UBE3D: variants seen among roughly 807,000 people sequenced by gnomAD.
UBE3D encodes the protein ubiquitin protein ligase E3D, also known as E3 ubiquitin-protein ligase E3D.
In UBE3D, 48 loss-of-function variants were observed where a neutral mutation model predicts 49.6. The observed-to-expected ratio is 0.97, with a 90% CI of 0.77 to 1.23. The LOEUF (loss-of-function observed/expected upper bound fraction) is 1.23, where lower values mean the gene tolerates loss of function less well. UBE3D is among the 50% of genes most tolerant of loss of function. UBE3D has a pLI of 0.00. For synonymous variants in UBE3D, 189 were observed against 174.2 expected (o/e 1.08, Z -0.67); for missense variants, 452 against 468.4 (o/e 0.96, Z 0.32).
In UBE3D at chr6:83,038,481, G is replaced by C; in HGVS notation, c.602C>G (p.Pro201Arg). ...VSSDNHCKLE[P>R]KANTKVICKR... ...ACAAATTACTTTGGTATTTGCCTTT[G>C]GTTCCTGTAGAACAGAAAAATGTCA... The change falls in exon 5 of 10, where the codon CCA becomes CGA. Residue 201 changes from proline to arginine, a missense_variant. Coordinates refer to ENST00000369747, the MANE Select transcript of UBE3D (RefSeq NM_198920.3). 1 of 1,607,150 alleles carries C rather than the reference G, an allele frequency of 6.2e-7. No homozygotes were observed. The highest frequency in any genetic ancestry group is 8.5e-7 in the Non-Finnish European group (1 of 1,178,084).
chr6:82,996,706 C>G (rs543464066), intron 8 of UBE3D, among the ~76,000 whole-genome samples: 1 of 152,276 alleles, frequency 6.6e-6, no homozygotes, highest in East Asian at 1.9e-4. Context: ...TCTCCAAACC[C>G]ACAACCCAGT....
chr6:82,941,030 C>T (rs188023042), intron 9 of UBE3D, among the ~76,000 whole-genome samples: 96 of 152,066 alleles, frequency 6.3e-4, no homozygotes, highest in African/African-American at 2.2e-3. Context: ...CTGGCCAATA[C>T]GGTGAAACCC....
At chr6:83,047,388 A>C (rs1783133219) in intron 3 of UBE3D, among the ~76,000 whole-genome samples, 1 of 152,178 alleles carries the variant, frequency 6.6e-6, no homozygotes, top group South Asian at 2.1e-4. Context: ...GGAACCCTAC[A>C]AACTATATCA....
intron 8 of UBE3D, among the ~76,000 whole-genome samples, chr6:83,000,935 C>T (rs965466988): frequency 1.4e-4 from 22 of 152,096 alleles, no homozygotes; most frequent in Non-Finnish European, 2.8e-4. Flanking sequence ...ACCTCCGCCT[C>T]CTGGGTTCAA....
chr6:82,992,136 T>C (rs1430036096), intron 8 of UBE3D, among the ~76,000 whole-genome samples: 1 of 151,950 alleles, frequency 6.6e-6, no homozygotes, highest in Non-Finnish European at 1.5e-5. Context: ...CACTCCAACA[T>C]TTATAGGTCA....
intron 6 of UBE3D, among the ~76,000 whole-genome samples, chr6:83,023,457 A>T (rs973875748): frequency 6.6e-6 from 1 of 152,234 alleles, no homozygotes; most frequent in Admixed American, 6.5e-5. Context: ...CAAATAAAGA[A>T]AGGTATGAAT....
chr6:82,902,944 A>T (rs1771842218), intron 9 of UBE3D, among the ~76,000 whole-genome samples: 1 of 152,214 alleles, frequency 6.6e-6, no homozygotes, highest in Non-Finnish European at 1.5e-5. Flanking sequence ...AAGGTCAGAG[A>T]AGCTAGGTAA....
At chr6:83,065,233 T>C (rs1045328009) in intron 1 of UBE3D, among the ~76,000 whole-genome samples, 1 of 152,250 alleles carries the variant, frequency 6.6e-6, no homozygotes, top group Non-Finnish European at 1.5e-5. Context: ...ACATAGGAAC[T>C]GATCCAGTAA....
At chr6:83,031,387 A>C (rs1198797876) in intron 5 of UBE3D, among the ~76,000 whole-genome samples, 1 of 152,204 alleles carries the variant, frequency 6.6e-6, no homozygotes, top group East Asian at 1.9e-4. Context: ...TAGCTGGACG[A>C]TTAGGTAGAA....
chr6:83,007,962 T>C (rs915671388), intron 8 of UBE3D, among the ~76,000 whole-genome samples: 2 of 151,556 alleles, frequency 1.3e-5, no homozygotes, highest in Non-Finnish European at 2.9e-5. Flanking sequence ...GTAAAAAATA[T>C]AAGAAAAAAG....
At chr6:83,054,118 G>T (rs375438859) in intron 3 of UBE3D, 30 bp downstream of exon 3, 25 of 1,554,150 alleles carry the variant, frequency 1.6e-5, no homozygotes, top group Non-Finnish European at 2.1e-5. Flanking sequence ...GCCAGGCACA[G>T]AATTAATCAG....
intron 4 of UBE3D, among the ~76,000 whole-genome samples, chr6:83,040,517 A>T (rs761459859): frequency 3.9e-5 from 6 of 152,118 alleles, no homozygotes; most frequent in Admixed American, 1.3e-4. Context: ...TGCAACTAGT[A>T]AAAAAATCCG....
intron 8 of UBE3D, among the ~76,000 whole-genome samples, chr6:83,000,949 T>A (rs552438485): frequency 1.8e-3 from 267 of 152,000 alleles, no homozygotes; most frequent in Non-Finnish European, 2.8e-3. Flanking sequence ...GGTTCAAGTG[T>A]TTCTCCTGCC....
intron 9 of UBE3D, among the ~76,000 whole-genome samples, chr6:82,911,865 A>G (rs1003171216): frequency 6.6e-6 from 1 of 152,150 alleles, no homozygotes; most frequent in African/African-American, 2.4e-5. Context: ...TTCTCCTGTC[A>G]TCGGTCAGAA....
intron 8 of UBE3D, among the ~76,000 whole-genome samples, chr6:83,000,621 C>T (rs1048348805): frequency 7.2e-5 from 11 of 152,166 alleles, no homozygotes; most frequent in African/African-American, 1.9e-4. Flanking sequence ...AATGTTCAAT[C>T]GGTTCTTATT....
Position 83,014,819 on chromosome 6 carries a change from T to C in UBE3D, c.1010+4154A>G, listed in dbSNP as rs376389426. On this transcript the variant is annotated intron_variant, in intron 8 of 9. Coordinates refer to ENST00000369747, the MANE Select transcript of UBE3D (RefSeq NM_198920.3). ...CTTCATTCAAGGGGTTCTGGGTCTG[T>C]AAACTGGCTCAAGTCTGGAAATTGA... 1.9e-4 allele frequency among the ~76,000 whole-genome samples: 29 copies of C among 152,304 alleles called. No individual in the cohort carries two copies. The East Asian group carries it at 2.7e-3, about 14-fold the overall frequency.
intron 5 of UBE3D, 141 bp downstream of exon 5, chr6:83,038,275 T>C: frequency 1.6e-6 from 1 of 640,576 alleles, no homozygotes. Context: ...GGATGGTATG[T>C]TACTTGGGGT....
At chr6:83,023,699 T>C (rs936883560) in intron 6 of UBE3D, among the ~76,000 whole-genome samples, 1 of 152,130 alleles carries the variant, frequency 6.6e-6, no homozygotes, top group Non-Finnish European at 1.5e-5. Flanking sequence ...TGCAAAGGCA[T>C]AAGAATAATA....
At chr6:82,951,796 G>A (rs1376083881) in intron 9 of UBE3D, among the ~76,000 whole-genome samples, 2 of 152,156 alleles carry the variant, frequency 1.3e-5, no homozygotes, top group Non-Finnish European at 2.9e-5. Flanking sequence ...TCTGACCAAA[G>A]AGGCCCTGAC....
Sources: gnomAD v4.1 joint callset for allele counts (sites outside exome capture counted in the v4.1 genomes callset) on GRCh38, gnomAD v4.1.1 for gene constraint, MANE v1.5 for transcripts, NCBI Gene and HGNC (gene_info 2026-07-23, HGNC 2026-07-21) for gene names.